Variants in SPHKAP observed in about 807,000 individuals in gnomAD.
SPHKAP encodes the protein A-kinase anchor protein SPHKAP.
In SPHKAP, 67 loss-of-function variants were observed where a neutral mutation model predicts 137.5. The ratio of observed to expected loss-of-function variants is 0.49; its 90% CI spans 0.40 to 0.60. The LOEUF (loss-of-function observed/expected upper bound fraction) is 0.60. Ranked by LOEUF, SPHKAP falls within the 20% of genes least tolerant of loss-of-function variation. SPHKAP has a pLI of 0.00. For missense variants in SPHKAP, 2,097 were observed against 2,069.3 expected (o/e 1.01, Z -0.26); for synonymous variants, 813 against 785.3 (o/e 1.04, Z -0.59).
chr2:228,015,663 T>C (rs1694553373), intron 7 of SPHKAP, among the ~76,000 whole-genome samples: 1 of 152,206 alleles, frequency 6.6e-6, no homozygotes, highest in Admixed American at 6.5e-5. Flanking sequence ...GTCATAATTT[T>C]CTGGAAAAAG....
chr2:228,148,038 TGTC>T (rs773027764), intron 1 of SPHKAP, among the ~76,000 whole-genome samples: 2 of 152,204 alleles, frequency 1.3e-5, no homozygotes, highest in African/African-American at 2.4e-5. Flanking sequence ...GATGCCCTGT[TGTC>T]CTCACAGAAT....
chr2:228,117,180 G>A (rs1559182387), intron 2 of SPHKAP, among the ~76,000 whole-genome samples: 1 of 152,112 alleles, frequency 6.6e-6, no homozygotes, highest in Non-Finnish European at 1.5e-5. Flanking sequence ...CATTGGTACA[G>A]AGCAGCTGCT....
At chr2:228,073,383 A>T (rs1697063553) in intron 3 of SPHKAP, among the ~76,000 whole-genome samples, 1 of 152,236 alleles carries the variant, frequency 6.6e-6, no homozygotes, top group Admixed American at 6.5e-5. Context: ...ACCTGAAAAT[A>T]CACTAGGCAG....
intron 6 of SPHKAP, among the ~76,000 whole-genome samples, chr2:228,020,825 A>C (rs980911600): frequency 6.6e-6 from 1 of 152,180 alleles, no homozygotes; most frequent in Non-Finnish European, 1.5e-5. Context: ...AGGCTTTCAA[A>C]TTTCATGATA....
intron 3 of SPHKAP, among the ~76,000 whole-genome samples, chr2:228,057,951 G>A (rs758651249): frequency 3.7e-4 from 56 of 152,222 alleles, no homozygotes; most frequent in Middle Eastern, 3.4e-3. Context: ...CTTTCCCTAG[G>A]AAAGTTGACA....
intron 3 of SPHKAP, among the ~76,000 whole-genome samples, chr2:228,071,521 A>G (rs910680851): frequency 6.6e-6 from 1 of 152,216 alleles, no homozygotes; most frequent in African/African-American, 2.4e-5. Flanking sequence ...TTAAGTTGTC[A>G]TATAATGACT....
intron 3 of SPHKAP, among the ~76,000 whole-genome samples, chr2:228,043,742 G>T (rs2396522): frequency 6.6e-6 from 1 of 152,262 alleles, no homozygotes; most frequent in East Asian, 1.9e-4. Context: ...TGCCACAGAC[G>T]TGATAAATTG....
chr2:228,014,917 T>A (rs540814343), intron 7 of SPHKAP, among the ~76,000 whole-genome samples: 16 of 152,216 alleles, frequency 1.1e-4, no homozygotes, highest in African/African-American at 3.4e-4. Flanking sequence ...TTTTTAAATT[T>A]AATTTTATTA....
intron 4 of SPHKAP, among the ~76,000 whole-genome samples, chr2:228,027,217 T>C (rs1235452889): frequency 6.6e-6 from 1 of 152,128 alleles, no homozygotes; most frequent in African/African-American, 2.4e-5. Flanking sequence ...CTTAGAAAAG[T>C]CATCTACAAA....
At chr2:228,006,246 T>G (rs1004090008) in intron 7 of SPHKAP, among the ~76,000 whole-genome samples, 5 of 152,198 alleles carry the variant, frequency 3.3e-5, no homozygotes, top group African/African-American at 1.2e-4. Context: ...TTTCTCTTTA[T>G]TCTTTTTTCT....
chr2:228,169,124 A>T (rs1700506934), intron 1 of SPHKAP, among the ~76,000 whole-genome samples: 2 of 152,174 alleles, frequency 1.3e-5, no homozygotes, highest in Admixed American at 6.6e-5. Flanking sequence ...TAACGAAAGA[A>T]ACTGTCTCCA....
chr2:228,102,073 A>G (rs535359381), intron 3 of SPHKAP, among the ~76,000 whole-genome samples: 74 of 152,300 alleles, frequency 4.9e-4, no homozygotes, highest in African/African-American at 1.7e-3. Context: ...TTATAGTTGC[A>G]TCTCTTTGAT....
chr2:227,981,692 A>G lies in SPHKAP; in HGVS notation c.*25T>C, dbSNP rs377032859. The stretch of plus-strand genomic sequence containing the variant: ...ATCTAAGTTGGAATAAAGGGAAGGA[A>G]TGATCTATACGGCAGACTGCCTTAT... On this transcript the variant is annotated 3_prime_UTR_variant, in exon 12 of 12. Transcript: ENST00000392056. 25 of 1,598,550 alleles carry G rather than the reference A, an allele frequency of 1.6e-5. No individual in the cohort carries two copies. In the Middle Eastern group the frequency reaches 1.3e-3, roughly 86 times the overall value.
rs1424972003 is a variant in SPHKAP, at chr2:228,016,606, G to T, written c.4248C>A (p.His1416Gln). Residue 1416 changes from histidine to glutamine, a missense_variant, in exon 7 of 12, where the codon CAC (histidine) becomes CAA (glutamine). By Grantham distance (24) the His-to-Gln change is conservative. Coordinates refer to ENST00000392056, the MANE Select transcript of SPHKAP (RefSeq NM_001142644.2). ...CCCTCGAGCAAAGTGATCGCCTTTT[G>T]TGGTTTATTGGTACAGGGTCCTGGC... ...SSCQDPVPIN[H>Q]KRRSLCSREV... is the part of the protein sequence containing the mutation. The T allele has an allele frequency of 3.7e-6, 6 of 1,613,844 alleles. No individual in the cohort carries two copies. Among genetic ancestry groups the T allele is most frequent in the Non-Finnish European group, 5.1e-6 (6 of 1,180,014 alleles).
rs143528301 is a variant in SPHKAP at position 228,151,781 on chromosome 2, A to T, written c.33-19696T>A. 5.5e-3 allele frequency among the ~76,000 whole-genome samples: 837 copies of T among 151,442 alleles called. 5 individuals are homozygous for T. The highest frequency in any genetic ancestry group is 8.7e-3 in the Non-Finnish European group (592 of 67,794). On this transcript the variant is annotated intron_variant, in intron 1 of 11. Coordinates refer to ENST00000392056, the MANE Select transcript of SPHKAP (RefSeq NM_001142644.2). ...CATTTCCTTTCTTTACTTTCTTTGG[A>T]GTTATTTTGTTGTTTTTAAAATCTC...
chr2:228,090,070 G>T (rs1697674294), intron 3 of SPHKAP, among the ~76,000 whole-genome samples: 1 of 152,212 alleles, frequency 6.6e-6, no homozygotes, highest in Non-Finnish European at 1.5e-5. Flanking sequence ...AAGAATGGTA[G>T]AGTCGCCAGC....
intron 3 of SPHKAP, among the ~76,000 whole-genome samples, chr2:228,104,191 TTATTA>T (rs1401715811): frequency 6.8e-6 from 1 of 147,500 alleles, no homozygotes; most frequent in East Asian, 1.9e-4. Context: ...AGTTCTATAA[TTATTA>T]TATTATATAT....
At chr2:228,006,473 C>T (rs1187543334) in intron 7 of SPHKAP, among the ~76,000 whole-genome samples, 2 of 152,126 alleles carry the variant, frequency 1.3e-5, no homozygotes, top group African/African-American at 4.8e-5. Flanking sequence ...AACTTCTTTG[C>T]CATGGTTTCA....
At chr2:227,990,925 A>G in intron 11 of SPHKAP, 75 bp downstream of exon 11, 3 of 1,449,620 alleles carry the variant, frequency 2.1e-6, no homozygotes, top group Non-Finnish European at 1.9e-6. Context: ...ACAGGGGTTT[A>G]CTGAGCATTT....
Sources: allele counts gnomAD v4.1 joint callset (sites outside exome capture counted in the v4.1 genomes callset), GRCh38; gene constraint gnomAD v4.1.1; transcripts MANE v1.5; gene names NCBI Gene and HGNC (gene_info 2026-07-23, HGNC 2026-07-21).